The following EMC1 variants were observed in gnomAD, a reference collection of about 807,000 sequenced individuals.
The protein encoded by EMC1 is ER membrane protein complex subunit 1.
A neutral mutation model predicts 128.8 loss-of-function variants in EMC1; 103 were observed. The ratio of observed to expected loss-of-function variants is 0.80; its 90% CI spans 0.68 to 0.94. The LOEUF (loss-of-function observed/expected upper bound fraction) is 0.94, where lower values mean the gene tolerates loss of function less well. Among genes scored for constraint, EMC1 ranks in the 40% least tolerant of loss-of-function variants. The pLI, the probability that EMC1 is intolerant of heterozygous loss-of-function variation, is 0.00. For missense variants in EMC1, 1,083 were observed against 1,250.6 expected (o/e 0.87, Z 2.02); for synonymous variants, 442 against 490.4 (o/e 0.90, Z 1.30).
At position 19,246,583 on chromosome 1, in the gene EMC1, G is replaced by C. The variant is rs370439769; in HGVS notation, c.96-1553C>G. Among the ~76,000 whole-genome samples the C allele has an allele frequency of 5.9e-5, 9 of 151,488 alleles. No homozygotes were observed. In the East Asian group the frequency reaches 1.2e-3, roughly 20 times the overall value. ...CGAACACTTGAGGTCCGGAGTTTGA[G>C]ACCAGCCTGGCCAACATGGTAAAAC... On this transcript the variant is annotated intron_variant, in intron 1 of 22. Transcript: ENST00000477853.
At position 19,242,880 on chromosome 1, in the gene EMC1, C is replaced by G. The variant is rs149404908; in HGVS notation, c.381-407G>C. ...TGTTCTCATCGCCTGGGGCTCAGCACGTGTTTACCAAATGAATTACTATCA... is the reference window on the plus strand; with the variant it reads ...TGTTCTCATCGCCTGGGGCTCAGCAGGTGTTTACCAAATGAATTACTATCA... On this transcript the variant is annotated intron_variant, in intron 4 of 22. Coordinates refer to ENST00000477853, the MANE Select transcript of EMC1 (RefSeq NM_015047.3). Among the ~76,000 whole-genome samples, 91 of 152,322 alleles carry G rather than the reference C, an allele frequency of 6.0e-4. 1 individual carries two copies. Among genetic ancestry groups the G allele is most frequent in the African/African-American group, 2.2e-3 (90 of 41,564 alleles).
intron 5 of EMC1, 85 bp downstream of exon 5, chr1:19,242,260 C>T: frequency 6.7e-7 from 1 of 1,490,550 alleles, no homozygotes; most frequent in Non-Finnish European, 9.3e-7. Flanking sequence ...TGGGTTAAAG[C>T]AAATGCTTCG....
In EMC1 at chr1:19,217,737, A is replaced by G. The variant is rs2093404347; in HGVS notation, c.*1566T>C. On this transcript the variant is annotated 3_prime_UTR_variant, in exon 23 of 23. Transcript: ENST00000477853. ...CAAAACTAGGGCAGAATTTTTTTTA[A>G]CTTGTACTTAACTCTCTTCTCCCAG... 6.6e-6 allele frequency: 1 copy of G among 152,204 alleles called. No homozygotes were observed. The highest frequency in any genetic ancestry group is 2.1e-4 in the South Asian group (1 of 4,836). 9.4% of individuals were successfully genotyped at this position (152,204 alleles called of 1,614,324 possible).
At chr1:19,232,826 T>C (rs2093534125) in intron 14 of EMC1, 53 bp from the exon 15 acceptor site, 1 of 1,611,338 alleles carries the variant, frequency 6.2e-7, no homozygotes, top group Non-Finnish European at 8.5e-7. Context: ...ACCAAAGAAC[T>C]GAGTCTGTCC....
chr1:19,240,928 G>T (rs1572022486), intron 6 of EMC1, 88 bp downstream of exon 6: 2 of 1,497,542 alleles, frequency 1.3e-6, no homozygotes, highest in East Asian at 4.5e-5. Flanking sequence ...CATCTGCCCA[G>T]CCAAGTTCCC....
intron 16 of EMC1, 30 bp downstream of exon 16, chr1:19,231,231 C>A: frequency 6.4e-7 from 1 of 1,571,708 alleles, no homozygotes; most frequent in Non-Finnish European, 8.6e-7. Flanking sequence ...ACTCCGCTAG[C>A]ATGTTCTCCA....
chr1:19,222,803 T>C lies in EMC1; in HGVS notation c.2408A>G (p.Asn803Ser), dbSNP rs767398238. 7.4e-6 allele frequency: 12 copies of C among 1,613,020 alleles called. No homozygotes were observed. In the East Asian group the frequency reaches 2.7e-4, roughly 36 times the overall value. ...ATAGAGCTCCAGTACGGTAAACTCGTTGCGCCGAGCCTTGGTGTTCCAGTA... is the reference window on the plus strand; with the variant it reads ...ATAGAGCTCCAGTACGGTAAACTCGCTGCGCCGAGCCTTGGTGTTCCAGTA... The part of the protein sequence containing the change: ...YQYWNTKARR[N>S]EFTVLELYEG... The change falls in exon 20 of 23, where the codon AAC becomes AGC. Residue 803 changes from asparagine to serine, a missense_variant. Around this residue, in one of 3 missense-constraint regions of EMC1, gnomAD observed 527 missense variants for 644.1 expected, o/e 0.82. Transcript: ENST00000477853.
chr1:19,238,231 G>A (rs1021423397), intron 10 of EMC1, 92 bp from the exon 11 acceptor site: 4 of 1,457,968 alleles, frequency 2.7e-6, no homozygotes, highest in Non-Finnish European at 3.8e-6. Flanking sequence ...AAATACCCTA[G>A]AGAAGGAGCC....
At chr1:19,246,601 G>A (rs904655499) in intron 1 of EMC1, among the ~76,000 whole-genome samples, 10 of 151,864 alleles carry the variant, frequency 6.6e-5, no homozygotes. Context: ...TGGCCAACAT[G>A]GTAAAACTCC....
At chr1:19,230,992 GAGTT>G in intron 16 of EMC1, 29 bp from the exon 17 acceptor site, 1 of 1,611,632 alleles carries the variant, frequency 6.2e-7, no homozygotes. Flanking sequence ...CCCAAGGAAA[GAGTT>G]AGGAAATTTC....
intron 1 of EMC1, among the ~76,000 whole-genome samples, chr1:19,249,165 T>C (rs1211890807): frequency 6.6e-6 from 1 of 152,192 alleles, no homozygotes; most frequent in Non-Finnish European, 1.5e-5. Flanking sequence ...GTTAACTTAT[T>C]ATTGAAGAAA....
chr1:19,216,070 T>TAATTA lies in EMC1; in HGVS notation c.*3232_*3233insTAATT, dbSNP rs2151929838. ...ATGATACTTTGTGTAATAGGCTCTT[T>TAATTA]AAAAGTATGACAATTTATGGGCCAG... On this transcript the variant is annotated 3_prime_UTR_variant, in exon 23 of 23. Coordinates refer to ENST00000477853, the MANE Select transcript of EMC1 (RefSeq NM_015047.3). 1 of 152,168 alleles carries TAATTA rather than the reference T, an allele frequency of 6.6e-6. No individual in the cohort carries two copies. The highest frequency in any genetic ancestry group is 1.5e-5 in the Non-Finnish European group (1 of 68,004). The allele number at this position is 152,168 out of a possible 1,614,324, so 9.4% of individuals were successfully genotyped here.
At chr1:19,244,757 A>G (rs1411063232) in intron 2 of EMC1, 149 bp downstream of exon 2, 2 of 811,950 alleles carry the variant, frequency 2.5e-6, no homozygotes, top group Non-Finnish European at 3.9e-6. Flanking sequence ...AAAGATGGTA[A>G]GACTGAAAAA....
intron 18 of EMC1, among the ~76,000 whole-genome samples, chr1:19,227,026 C>T (rs1486128224): frequency 6.6e-6 from 1 of 151,702 alleles, no homozygotes; most frequent in African/African-American, 2.4e-5. Context: ...GACTCTGTCA[C>T]AGGAAACAAA....
At chr1:19,229,621 T>C (rs1335886236) in intron 17 of EMC1, among the ~76,000 whole-genome samples, 1 of 152,200 alleles carries the variant, frequency 6.6e-6, no homozygotes, top group Non-Finnish European at 1.5e-5. Flanking sequence ...TTTATTTATG[T>C]TTTCATTCAC....
At chr1:19,228,566 G>A (rs12565770) in intron 17 of EMC1, among the ~76,000 whole-genome samples, 16,658 of 152,078 alleles carry the variant, frequency 0.11, 912 homozygotes, top group Non-Finnish European at 0.11. Context: ...TCCTGAAGTG[G>A]TCACCAGGTA....
In EMC1 at chr1:19,241,151, G is replaced by T; in HGVS notation, c.510-9C>A. The T allele has an allele frequency of 6.2e-7, 1 of 1,613,760 alleles. No homozygotes were observed. Among genetic ancestry groups the T allele is most frequent in the Non-Finnish European group, 8.5e-7 (1 of 1,179,874 alleles). On this transcript the variant is annotated splice_polypyrimidine_tract_variant and intron_variant, in intron 5 of 22. Coordinates refer to ENST00000477853, the MANE Select transcript of EMC1 (RefSeq NM_015047.3). Reference sequence around the variant, plus strand: ...GGTAGTGGATGCTGTCACTAAGAGAGGGAAGAAGAAACCGCAGCGTCAGCT... The same window carrying T: ...GGTAGTGGATGCTGTCACTAAGAGATGGAAGAAGAAACCGCAGCGTCAGCT...
intron 7 of EMC1, 57 bp downstream of exon 7, chr1:19,240,240 C>T: frequency 2.5e-6 from 4 of 1,606,282 alleles, no homozygotes; most frequent in East Asian, 2.2e-5. Flanking sequence ...TCATGCCAAA[C>T]TTTCTACTCC....
At chr1:19,233,889 CCAA>C (rs1226019737) in intron 13 of EMC1, among the ~76,000 whole-genome samples, 4 of 152,142 alleles carry the variant, frequency 2.6e-5, no homozygotes, top group Admixed American at 2.6e-4. Flanking sequence ...CTGGACTGTT[CCAA>C]AATTACATCA....
Sources: allele counts gnomAD v4.1 joint callset (sites outside exome capture counted in the v4.1 genomes callset), GRCh38; gene constraint gnomAD v4.1.1; regional missense constraint gnomAD v4.1.1; transcripts MANE v1.5; gene names NCBI Gene and HGNC (gene_info 2026-07-23, HGNC 2026-07-21).